HAGH: variants seen among roughly 807,000 people sequenced by gnomAD.
The protein encoded by HAGH is hydroxyacylglutathione hydrolase.
Under a neutral mutation model 35.1 loss-of-function variants are expected in HAGH, and 29 were observed. The ratio of observed to expected loss-of-function variants is 0.83; its 90% CI spans 0.62 to 1.13. HAGH has a LOEUF of 1.13. Ranked by LOEUF, HAGH falls within the 50% of genes most tolerant of loss-of-function variation. The pLI, the probability that HAGH is intolerant of heterozygous loss-of-function variation, is 0.00. For missense variants in HAGH, 478 were observed against 419.6 expected, an observed-to-expected ratio of 1.14 and a Z score of -1.22; for synonymous variants, 225 against 176.1, an observed-to-expected ratio of 1.28 and a Z score of -2.20.
intron 7 of HAGH, among the ~76,000 whole-genome samples, chr16:1,814,343 G>A (rs1366385288): frequency 6.6e-6 from 1 of 151,904 alleles, no homozygotes; most frequent in Non-Finnish European, 1.5e-5. Context: ...GTGTGGTGGT[G>A]CATGCCTGTA....
rs924371494 is a variant in HAGH, at chr16:1,808,243, G to C, written c.*1040C>G. ...CTGCCTCAGCCTCCTGAGTAGCTAG[G>C]ACTACAGCTGCACACCACCCTGCCC... On this transcript the variant is annotated 3_prime_UTR_variant, in exon 9 of 9. Coordinates refer to ENST00000397356, the MANE Select transcript of HAGH (RefSeq NM_005326.6). 2.6e-5 allele frequency: 4 copies of C among 152,098 alleles called. No homozygotes were observed. The highest frequency in any genetic ancestry group is 4.8e-5 in the African/African-American group (2 of 41,396). 9.4% of individuals were successfully genotyped at this position (152,098 alleles called of 1,614,324 possible). A position where few individuals can be genotyped will look rare whatever the true frequency, so the allele number is the denominator to read the frequency against.
intron 7 of HAGH, among the ~76,000 whole-genome samples, chr16:1,814,790 T>C (rs1425036384): frequency 2.0e-5 from 3 of 150,988 alleles, no homozygotes; most frequent in African/African-American, 4.9e-5. Flanking sequence ...CCCAGCTACT[T>C]GGGAGGCTGA....
chr16:1,818,748 C>CTCCCACCTGTGTGCTGTG, intron 5 of HAGH: 1 of 200,102 alleles, frequency 5.0e-6, no homozygotes, highest in Admixed American at 5.9e-5. Context: ...AGGCAGGGCC[C>CTCCCACCTGTGTGCTGTG]CCAGACTAGC....
Position 1,826,647 on chromosome 16 carries a change from G to A in HAGH, c.76+65C>T, listed in dbSNP as rs1362602093. The A allele has an allele frequency of 1.1e-4, 110 of 966,078 alleles. No homozygotes were observed. In the South Asian group the frequency reaches 4.5e-3, roughly 39 times the overall value. 59.8% of individuals were successfully genotyped at this position (966,078 alleles called of 1,614,324 possible). On this transcript the variant is annotated intron_variant, in intron 1 of 8. Coordinates refer to ENST00000397356, the MANE Select transcript of HAGH (RefSeq NM_005326.6). ...TCAGCGGTCGCCAAACGACGGCCCGGCGCCGCCCGCTGCCCGCCCCGCCAG... is the reference window on the plus strand; with the variant it reads ...TCAGCGGTCGCCAAACGACGGCCCGACGCCGCCCGCTGCCCGCCCCGCCAG...
In HAGH at chr16:1,822,853, A is replaced by G; in HGVS notation, c.249+12T>C. On this transcript the variant is annotated intron_variant, in intron 2 of 8. Transcript: ENST00000397356. ...GACCAGGGCAGGGAGAGCCAGGCAC[A>G]GCCATGCGCACCTTCTGGGGCTGCA... The G allele has an allele frequency of 6.2e-7, 1 of 1,609,690 alleles. No individual in the cohort carries two copies. The highest frequency in any genetic ancestry group is 1.7e-4 in the Middle Eastern group (1 of 5,958).
intron 5 of HAGH, 53 bp downstream of exon 5, chr16:1,819,062 G>C: frequency 1.8e-6 from 2 of 1,129,830 alleles, no homozygotes; most frequent in African/African-American, 1.5e-5. Context: ...CCTGGCAGGA[G>C]ACACAGGGTC....
intron 6 of HAGH, 70 bp downstream of exon 6, chr16:1,817,098 C>T (rs1319721981): frequency 1.4e-5 from 19 of 1,330,444 alleles, no homozygotes; most frequent in Non-Finnish European, 1.8e-5. Flanking sequence ...TGAGAGGGTG[C>T]CAGGAGGGAG....
At chr16:1,822,255 G>A (rs375485860) in intron 3 of HAGH, 45 bp downstream of exon 3, 2 of 1,334,448 alleles carry the variant, frequency 1.5e-6, no homozygotes, top group Non-Finnish European at 2.2e-6. Flanking sequence ...ACCGGGGCGA[G>A]AAGTGAGCCA....
rs1180491377 is a variant in HAGH, at chr16:1,826,824, C to T, written c.-37G>A. 2 of 1,207,864 alleles carry T rather than the reference C, an allele frequency of 1.7e-6. No homozygotes were observed. Among genetic ancestry groups the T allele is most frequent in the Non-Finnish European group, 1.0e-6 (1 of 954,326 alleles). The allele number at this position is 1,207,864 out of a possible 1,614,324, so 74.8% of individuals were successfully genotyped here. On this transcript the variant is annotated 5_prime_UTR_variant, in exon 1 of 9. Coordinates refer to ENST00000397356, the MANE Select transcript of HAGH (RefSeq NM_005326.6). Reference sequence around the variant, plus strand: ...GGCTGGACTGCCGAGCTGCCCAGGACTGCAAAACACCGGCGTCGGCGCGTC... The same window carrying T: ...GGCTGGACTGCCGAGCTGCCCAGGATTGCAAAACACCGGCGTCGGCGCGTC...
intron 1 of HAGH, among the ~76,000 whole-genome samples, chr16:1,825,971 T>C (rs1192302665): frequency 3.9e-5 from 6 of 152,354 alleles, no homozygotes; most frequent in Admixed American, 3.3e-4. Flanking sequence ...ACGCACGCCC[T>C]GCCGATGCAC....
chr16:1,809,701 G>A lies in HAGH; in HGVS notation c.827+53C>T, dbSNP rs968491608. The stretch of plus-strand genomic sequence containing the variant: ...GGACGTACCGGCTGTGTGTGCAGCA[G>A]TGGGACTGCCAGAGGGGAGGGGCCC... On this transcript the variant is annotated intron_variant, in intron 8 of 8. Transcript: ENST00000397356. The A allele has an allele frequency of 4.0e-6, 5 of 1,255,116 alleles. No individual in the cohort carries two copies. The African/African-American group carries it at 7.3e-5, about 18-fold the overall frequency. 77.7% of individuals were successfully genotyped at this position (1,255,116 alleles called of 1,614,324 possible).
chr16:1,812,099 A>G (rs1248173606), intron 7 of HAGH, among the ~76,000 whole-genome samples: 2 of 151,692 alleles, frequency 1.3e-5, no homozygotes, highest in East Asian at 3.9e-4. Flanking sequence ...CTGAGGCAGC[A>G]GAATCGCCTG....
chr16:1,826,963 C>T (rs1898469418), upstream of HAGH: 3 of 612,756 alleles, frequency 4.9e-6, no homozygotes, highest in East Asian at 9.3e-5. Flanking sequence ...CGAGCCCCGA[C>T]TGCCACGGGC....
intron 5 of HAGH, 21 bp from the exon 6 acceptor site, chr16:1,817,292 G>A (rs374754565): frequency 1.8e-5 from 27 of 1,488,026 alleles, no homozygotes; most frequent in African/African-American, 9.6e-5. Context: ...GGACAGCCAC[G>A]AGGTGGGGGC....
chr16:1,813,980 C>G (rs11859266), intron 7 of HAGH, among the ~76,000 whole-genome samples: 14,206 of 152,218 alleles, frequency 0.093, 818 homozygotes, highest in African/African-American at 0.16. Context: ...CCCTGAACAC[C>G]TCGGGATCAC....
chr16:1,819,722 G>A, intron 4 of HAGH, 175 bp downstream of exon 4: 1 of 629,434 alleles, frequency 1.6e-6, no homozygotes. Context: ...GCCGCGTTTT[G>A]CACACTCCTC....
intron 8 of HAGH, 73 bp from the exon 9 acceptor site, chr16:1,809,455 G>A (rs1404434458): frequency 3.2e-6 from 4 of 1,264,944 alleles, no homozygotes; most frequent in South Asian, 1.2e-5. Flanking sequence ...CACTGCAGAG[G>A]AAGGCGACTC....
chr16:1,820,126 T>A (rs1898089800), intron 3 of HAGH, 112 bp from the exon 4 acceptor site: 2 of 740,252 alleles, frequency 2.7e-6, no homozygotes. Context: ...TAAACCCTAG[T>A]CAAACGCAAC....
In HAGH at chr16:1,808,994, T is replaced by C; in HGVS notation, c.*289A>G. 1 of 423,342 alleles carries C rather than the reference T, an allele frequency of 2.4e-6. No homozygotes were observed. The highest frequency in any genetic ancestry group is 4.3e-6 in the Non-Finnish European group (1 of 234,084). The allele number at this position is 423,342 out of a possible 1,614,324, so 26.2% of individuals were successfully genotyped here. A position where few individuals can be genotyped will look rare whatever the true frequency, so the allele number is the denominator to read the frequency against. Reference sequence around the variant, plus strand: ...CACAGCAAAGGCACCGGCTCACGCCTGACCTGAAGCGTGGGTGGGGGGACT... The same window carrying C: ...CACAGCAAAGGCACCGGCTCACGCCCGACCTGAAGCGTGGGTGGGGGGACT... On this transcript the variant is annotated 3_prime_UTR_variant, in exon 9 of 9. Transcript: ENST00000397356.
Sources: gnomAD v4.1 joint callset for allele counts (sites outside exome capture counted in the v4.1 genomes callset) on GRCh38, gnomAD v4.1.1 for gene constraint, MANE v1.5 for transcripts, NCBI Gene and HGNC (gene_info 2026-07-23, HGNC 2026-07-21) for gene names.